CT55: variants seen among roughly 807,000 people sequenced by gnomAD.
CT55 encodes the protein cancer/testis antigen 55.
In CT55, 1 loss-of-function variant was observed where a neutral mutation model predicts 12.6. The observed-to-expected ratio is 0.08, with a 90% CI of 0.03 to 0.38. The LOEUF (loss-of-function observed/expected upper bound fraction) is 0.38, where lower values mean the gene tolerates loss of function less well. Ranked by LOEUF, CT55 falls within the 10% of genes least tolerant of loss-of-function variation. The pLI is 0.99. For synonymous variants in CT55, 43 were observed against 49.7 expected, an observed-to-expected ratio of 0.87 and a Z score of 0.57; for missense variants, 109 against 135.4, an observed-to-expected ratio of 0.80 and a Z score of 0.97.
At chrX:135,161,563 C>A (rs1289598540) in intron 2 of CT55, among the ~76,000 whole-genome samples, 4 of 112,106 alleles carry the variant, frequency 3.6e-5, no homozygotes, top group African/African-American at 1.3e-4. Context: ...CATAGGGAAT[C>A]CCAATTAATG....
chrX:135,170,886 G>T (rs1556406695), intron 1 of CT55, among the ~76,000 whole-genome samples, 192 bp downstream of exon 1: 1 of 112,018 alleles, frequency 8.9e-6, no homozygotes, highest in Non-Finnish European at 1.9e-5. Context: ...GGACAGGAGA[G>T]TTTGGGGGTT....
chrX:135,164,141 ATACTC>A (rs2083573574), intron 2 of CT55, among the ~76,000 whole-genome samples: 1 of 112,256 alleles, frequency 8.9e-6, no homozygotes, highest in Non-Finnish European at 1.9e-5. Flanking sequence ...CAAATTCAGA[ATACTC>A]TAATAAGGTA....
intron 3 of CT55, among the ~76,000 whole-genome samples, 170 bp downstream of exon 3, chrX:135,160,241 T>C (rs1312511465): frequency 9.0e-6 from 1 of 111,538 alleles, no homozygotes; most frequent in East Asian, 2.8e-4. Flanking sequence ...ACACAATTTA[T>C]AATACTGTCT....
chrX:135,161,768 C>T (rs1556405222), intron 2 of CT55, among the ~76,000 whole-genome samples: 1 of 112,460 alleles, frequency 8.9e-6, no homozygotes, highest in African/African-American at 3.2e-5. Context: ...GCCTAGTTTG[C>T]TGCTATTCTC....
intron 2 of CT55, among the ~76,000 whole-genome samples, chrX:135,164,201 G>T (rs1174309829): frequency 8.9e-6 from 1 of 112,220 alleles, no homozygotes; most frequent in Non-Finnish European, 1.9e-5. Flanking sequence ...AAAGGTTAAA[G>T]AACTGAACTA....
intron 4 of CT55, 47 bp downstream of exon 4, chrX:135,158,152 G>T: frequency 2.6e-6 from 2 of 778,799 alleles, no homozygotes; most frequent in Non-Finnish European, 3.9e-6. Flanking sequence ...ATCACCAAAG[G>T]AAGAGTTAGC....
chrX:135,169,418 T>A (rs781956006), intron 2 of CT55, among the ~76,000 whole-genome samples, 176 bp downstream of exon 2: 1 of 112,058 alleles, frequency 8.9e-6, no homozygotes, highest in African/African-American at 3.2e-5. Context: ...CAGCACAAAT[T>A]ACTACAAATA....
At chrX:135,166,843 C>T (rs1359345183) in intron 2 of CT55, among the ~76,000 whole-genome samples, 1 of 111,249 alleles carries the variant, frequency 9.0e-6, no homozygotes, top group South Asian at 3.8e-4. Flanking sequence ...AAGAAACAAT[C>T]CCATTTACAA....
chrX:135,159,553 C>A (rs782739269), intron 3 of CT55, among the ~76,000 whole-genome samples: 82 of 111,497 alleles, frequency 7.4e-4, no homozygotes, highest in Non-Finnish European at 1.4e-3. Flanking sequence ...GTTCTTCTCT[C>A]ACTTCAAAAT....
At chrX:135,162,747 C>T (rs1157160436) in intron 2 of CT55, among the ~76,000 whole-genome samples, 2 of 111,642 alleles carry the variant, frequency 1.8e-5, no homozygotes, top group African/African-American at 3.3e-5. Flanking sequence ...TCAGATGGTA[C>T]TTGTGGACAG....
At chrX:135,161,530 T>C (rs1244488365) in intron 2 of CT55, among the ~76,000 whole-genome samples, 1 of 112,330 alleles carries the variant, frequency 8.9e-6, no homozygotes, top group African/African-American at 3.2e-5. Context: ...AGTTTTTAAA[T>C]AACAAGAGAG....
At chrX:135,158,915 T>C (rs2083549544) in intron 3 of CT55, among the ~76,000 whole-genome samples, 1 of 112,517 alleles carries the variant, frequency 8.9e-6, no homozygotes, top group African/African-American at 3.2e-5. Context: ...ATGTTGTTAC[T>C]TTCAGAATGA....
chrX:135,160,608 G>A (rs1232656640), intron 2 of CT55, 53 bp from the exon 3 acceptor site: 1 of 1,112,817 alleles, frequency 9.0e-7, no homozygotes. Context: ...TTTAAACATG[G>A]AACTTACATG....
At chrX:135,165,894 C>T (rs1473367812) in intron 2 of CT55, among the ~76,000 whole-genome samples, 1 of 108,257 alleles carries the variant, frequency 9.2e-6, no homozygotes, top group African/African-American at 3.4e-5. Context: ...TCTGAACAGA[C>T]CATTAATGAG....
chrX:135,158,847 G>A (rs185256355), intron 3 of CT55, among the ~76,000 whole-genome samples: 239 of 112,395 alleles, frequency 2.1e-3, no homozygotes, highest in Middle Eastern at 4.6e-3. Context: ...CATCGCTGGC[G>A]CATAGCAACC....
intron 3 of CT55, among the ~76,000 whole-genome samples, chrX:135,159,322 T>C (rs782331863): frequency 1.8e-5 from 2 of 110,577 alleles, no homozygotes; most frequent in Admixed American, 9.7e-5. Flanking sequence ...ATGCCTCCAG[T>C]TCTAACCAAC....
chrX:135,160,570 A>C lies in CT55; in HGVS notation c.280-15T>G. The C allele has an allele frequency of 8.5e-7, 1 of 1,177,602 alleles. No individual in the cohort carries two copies. The highest frequency in any genetic ancestry group is 1.1e-6 in the Non-Finnish European group (1 of 884,804). On this transcript the variant is annotated splice_polypyrimidine_tract_variant and intron_variant, in intron 2 of 5. Coordinates refer to ENST00000276241, the MANE Select transcript of CT55 (RefSeq NM_001031705.3). ...ACAACATCCACCTGTAAGATTTAGG[A>C]AAGAGTTTACTTCAAAAACAATACA...
chrX:135,164,873 A>G (rs1313906569), intron 2 of CT55, among the ~76,000 whole-genome samples: 1 of 112,447 alleles, frequency 8.9e-6, no homozygotes, highest in Non-Finnish European at 1.9e-5. Context: ...CAATTCATCA[A>G]GAGGATATAA....
chrX:135,170,901 C>G lies in CT55; in HGVS notation c.94+177G>C, dbSNP rs181122824. On this transcript the variant is annotated intron_variant, in intron 1 of 5. Transcript: ENST00000276241. ...GGACAGGAGAGTTTGGGGGTTGGTT[C>G]TCAGGGAATTGTTGAGGACTCGGGT... Among the ~76,000 whole-genome samples, 453 of 111,715 alleles carry G rather than the reference C, an allele frequency of 4.1e-3. 4 individuals are homozygous for G. The highest frequency in any genetic ancestry group is 0.025 in the Admixed American group (262 of 10,593).
Sources: allele counts gnomAD v4.1 joint callset (sites outside exome capture counted in the v4.1 genomes callset), GRCh38; gene constraint gnomAD v4.1.1; transcripts MANE v1.5; gene names NCBI Gene and HGNC (gene_info 2026-07-23, HGNC 2026-07-21).